The following ZNF714 variants were observed in gnomAD, a reference collection of about 807,000 sequenced individuals.
ZNF714 encodes zinc finger protein 714.
A neutral mutation model predicts 46.2 loss-of-function variants in ZNF714; 32 were observed. The observed-to-expected ratio is 0.69, with a 90% CI of 0.52 to 0.93. ZNF714 has a LOEUF of 0.93. Ranked by LOEUF, ZNF714 falls within the 40% of genes least tolerant of loss-of-function variation. The pLI, the probability that ZNF714 is intolerant of heterozygous loss-of-function variation, is 0.00. For missense variants in ZNF714, 635 were observed against 646.3 expected, an observed-to-expected ratio of 0.98 and a Z score of 0.19; for synonymous variants, 199 against 213.1, an observed-to-expected ratio of 0.93 and a Z score of 0.58.
At chr19:21,098,737 C>A in intron 3 of ZNF714, 75 bp from the exon 4 acceptor site, 1 of 914,320 alleles carries the variant, frequency 1.1e-6, no homozygotes, top group Non-Finnish European at 1.6e-6. Context: ...CTATTATATC[C>A]TTTTTACTGA....
chr19:21,106,209 C>T (rs1022032795), intron 4 of ZNF714, among the ~76,000 whole-genome samples: 14 of 151,640 alleles, frequency 9.2e-5, no homozygotes, highest in Admixed American at 7.2e-4. Flanking sequence ...GAGCCGAGGT[C>T]GCACCACTGC....
At chr19:21,099,689 G>C (rs1969128382) in intron 4 of ZNF714, among the ~76,000 whole-genome samples, 2 of 151,882 alleles carry the variant, frequency 1.3e-5, no homozygotes, top group Non-Finnish European at 2.9e-5. Flanking sequence ...TCTCAAGAAT[G>C]CTTTGGCTAT....
At chr19:21,098,073 T>A in intron 2 of ZNF714, 112 bp from the exon 3 acceptor site, 1 of 1,437,656 alleles carries the variant, frequency 7.0e-7, no homozygotes, top group Admixed American at 2.7e-5. Flanking sequence ...TCAGTTATTC[T>A]TATAAGTCAA....
rs1449535954 is a variant in ZNF714, at chr19:21,098,861, A to G, written c.93A>G (p.Glu31=). 8.7e-6 allele frequency: 14 copies of G among 1,612,370 alleles called. No homozygotes were observed. In the East Asian group the frequency reaches 1.3e-4, roughly 15 times the overall value. ...ACCCGATCACCAGTCTAGAGCAAGA[A>G]AAAGAGCCCTGGAATATGAAGATAT... ...KQDPITSLEQ[E]KEPWNMKICE... The change falls in exon 4 of 5, where the codon GAA becomes GAG. Residue 31 remains glutamate, a synonymous_variant. Coordinates refer to ENST00000456283, the MANE Select transcript of ZNF714 (RefSeq NM_182515.4).
chr19:21,084,664 TA>T (rs1400881196), intron 2 of ZNF714, among the ~76,000 whole-genome samples: 1 of 152,136 alleles, frequency 6.6e-6, no homozygotes, highest in Non-Finnish European at 1.5e-5. Flanking sequence ...TTTTTAGCTG[TA>T]AATTGCATTA....
chr19:21,117,188 G>A lies in ZNF714; in HGVS notation c.524G>A (p.Cys175Tyr). 4 of 1,614,072 alleles carry A rather than the reference G, an allele frequency of 2.5e-6. No individual in the cohort carries two copies. The highest frequency in any genetic ancestry group is 3.4e-6 in the Non-Finnish European group (4 of 1,179,950). ...RIHIRENSYQ[C>Y]EECDKVFKRF... ...CATATTAGAGAGAATTCTTACCAAT[G>A]TGAAGAATGTGACAAAGTGTTTAAG... Residue 175 changes from cysteine (C) to tyrosine (Y), a missense_variant, in exon 5 of 5, where the codon TGT becomes TAT. Transcript: ENST00000456283.
chr19:21,082,364 C>G lies in ZNF714; in HGVS notation c.-177+16C>G. The G allele has an allele frequency of 6.8e-7, 1 of 1,460,164 alleles. No individual in the cohort carries two copies. The allele number at this position is 1,460,164 out of a possible 1,614,324, so 90.5% of individuals were successfully genotyped here. A position where few individuals can be genotyped will look rare whatever the true frequency, so the allele number is the denominator to read the frequency against. ...CCTAGAAATGGTGAGAGTGCCGGGT[C>G]CGACATCCCGAGAGAGGGGAAGGGG... is the stretch of plus-strand genomic sequence containing the variant. On this transcript the variant is annotated intron_variant, in intron 1 of 4. Transcript: ENST00000456283.
chr19:21,107,402 G>A (rs1969347294), intron 4 of ZNF714, among the ~76,000 whole-genome samples: 1 of 152,084 alleles, frequency 6.6e-6, no homozygotes, highest in Non-Finnish European at 1.5e-5. Context: ...ACCACGCCTG[G>A]CTAATTTTGT....
chr19:21,105,518 C>G (rs1969289941), intron 4 of ZNF714, among the ~76,000 whole-genome samples: 1 of 151,928 alleles, frequency 6.6e-6, no homozygotes, highest in African/African-American at 2.4e-5. Flanking sequence ...TATTTCTGTT[C>G]TTTCCTTTGT....
chr19:21,083,876 G>A lies in ZNF714; in HGVS notation c.-176-102G>A, dbSNP rs746805256. 9.9e-5 allele frequency: 45 copies of A among 454,192 alleles called. 1 individual carries two copies. Among genetic ancestry groups the A allele is most frequent in the South Asian group, 6.2e-4 (22 of 35,460 alleles). 28.1% of individuals were successfully genotyped at this position (454,192 alleles called of 1,614,324 possible). A position where few individuals can be genotyped will look rare whatever the true frequency, so the allele number is the denominator to read the frequency against. On this transcript the variant is annotated intron_variant, in intron 1 of 4. Transcript: ENST00000456283. Reference sequence around the variant, plus strand: ...GCCACCCTTTAGTTTTTTTCTGGTCGTGGGTTTCAGTACTGTCTGGGGATC... The same window carrying A: ...GCCACCCTTTAGTTTTTTTCTGGTCATGGGTTTCAGTACTGTCTGGGGATC...
chr19:21,083,998 GTA>G lies in ZNF714; in HGVS notation c.-154_-153del. The G allele has an allele frequency of 7.8e-7, 1 of 1,286,488 alleles. No individual in the cohort carries two copies. The highest frequency in any genetic ancestry group is 1.0e-6 in the Non-Finnish European group (1 of 989,182). 79.7% of individuals were successfully genotyped at this position (1,286,488 alleles called of 1,614,324 possible). Reference sequence around the variant, plus strand: ...CATAGGGCGACCTGAGGTCTGGAGTGTATCCTCTCAAGGGAGCAAGTGGATCC... The same window carrying G: ...CATAGGGCGACCTGAGGTCTGGAGTGTCCTCTCAAGGGAGCAAGTGGATCC... On this transcript the variant is annotated 5_prime_UTR_variant, in exon 2 of 5. The change abolishes the stop of an existing upstream ORF in the 5' untranslated region. Transcript: ENST00000456283.
intron 4 of ZNF714, among the ~76,000 whole-genome samples, chr19:21,109,921 ATGT>A (rs909128692): frequency 1.9e-4 from 29 of 152,032 alleles, no homozygotes; most frequent in Admixed American, 2.0e-4. Context: ...AAAGTACATG[ATGT>A]TGTTCCTTTT....
chr19:21,123,415 T>G lies in ZNF714; in HGVS notation c.*5083T>G, dbSNP rs1175477872. Among the ~76,000 whole-genome samples the G allele has an allele frequency of 2.6e-5, 4 of 152,078 alleles. No individual in the cohort carries two copies. Among genetic ancestry groups the G allele is most frequent in the African/African-American group, 9.7e-5 (4 of 41,424 alleles). ...TGTCTCCCAGGCTAGAGTACAGTGG[T>G]GTGATCTTGGCTCACTGCAAGCTCC... On this transcript the variant is annotated 3_prime_UTR_variant, in exon 5 of 5. Transcript: ENST00000456283.
intron 2 of ZNF714, among the ~76,000 whole-genome samples, chr19:21,089,901 C>A (rs10415875): frequency 0.69 from 92,896 of 135,028 alleles, 37,337 homozygotes; most frequent in Middle Eastern, 0.89. Flanking sequence ...AAATTTGTAC[C>A]CTTTTGCCAG....
At chr19:21,101,551 G>A (rs1450821043) in intron 4 of ZNF714, among the ~76,000 whole-genome samples, 1 of 152,174 alleles carries the variant, frequency 6.6e-6, no homozygotes, top group Non-Finnish European at 1.5e-5. Context: ...CTTTCACTGA[G>A]TACCAGAGAG....
Position 21,098,908 on chromosome 19 carries a change from C to T in ZNF714, c.140C>T (p.Pro47Leu). 1 of 1,587,118 alleles carries T rather than the reference C, an allele frequency of 6.3e-7. No homozygotes were observed. Among genetic ancestry groups the T allele is most frequent in the Non-Finnish European group, 8.6e-7 (1 of 1,162,866 alleles). The change falls in exon 4 of 5, where the codon CCA (proline) becomes CTA (leucine). Residue 47 changes from proline (P) to leucine (L), a missense_variant and splice_region_variant. By Grantham distance (98) the Pro-to-Leu change is moderately conservative. Transcript: ENST00000456283. The part of the protein sequence containing the change: ...MKICEMVDES[P>L]AMCSSFTRDL... ...ATATGTGAGATGGTGGATGAATCCC[C>T]AGGTAGGTGAGAGTGAACACAACAG...
intron 2 of ZNF714, among the ~76,000 whole-genome samples, chr19:21,089,553 C>G (rs1449895528): frequency 1.3e-5 from 2 of 152,150 alleles, no homozygotes; most frequent in Non-Finnish European, 2.9e-5. Context: ...AACCCTGAAC[C>G]TGGGCCACCA....
chr19:21,099,671 C>CTT (rs200895136), intron 4 of ZNF714, among the ~76,000 whole-genome samples: 2 of 151,450 alleles, frequency 1.3e-5, no homozygotes, highest in African/African-American at 4.9e-5. Context: ...CTGCTTTGTT[C>CTT]TTTTTTTTCT....
Position 21,117,407 on chromosome 19 carries a change from A to C in ZNF714, c.743A>C (p.Lys248Thr). The C allele has an allele frequency of 6.2e-7, 1 of 1,613,358 alleles. No individual in the cohort carries two copies. Among genetic ancestry groups the C allele is most frequent in the Non-Finnish European group, 8.5e-7 (1 of 1,179,646 alleles). ...FYHSSHLTTH[K>T]VIHTGEKPFK... ...CATTCTTCACACCTTACTACACATAAGGTAATTCATACTGGAGAGAAGCCC... is the reference window on the plus strand; with the variant it reads ...CATTCTTCACACCTTACTACACATACGGTAATTCATACTGGAGAGAAGCCC... Residue 248 changes from lysine to threonine, a missense_variant, in exon 5 of 5, where the codon AAG (lysine) becomes ACG (threonine). Transcript: ENST00000456283.
Sources: gnomAD v4.1 joint callset for allele counts (sites outside exome capture counted in the v4.1 genomes callset) on GRCh38, gnomAD v4.1.1 for gene constraint, MANE v1.5 for transcripts, NCBI Gene and HGNC (gene_info 2026-07-23, HGNC 2026-07-21) for gene names.